Variants in ZNF385D observed in about 807,000 individuals in gnomAD.
ZNF385D encodes the protein zinc finger protein 385D.
Under a neutral mutation model 35.8 loss-of-function variants are expected in ZNF385D, and 15 were observed. The observed-to-expected ratio is 0.42, with a 90% CI of 0.28 to 0.64. The LOEUF (loss-of-function observed/expected upper bound fraction) is 0.64. Ranked by LOEUF, ZNF385D falls within the 30% of genes least tolerant of loss-of-function variation. ZNF385D has a pLI of 0.23. For missense variants in ZNF385D, 474 were observed against 494.6 expected, an observed-to-expected ratio of 0.96 and a Z score of 0.39; for synonymous variants, 212 against 186.8, an observed-to-expected ratio of 1.13 and a Z score of -1.10.
chr3:22,160,230 T>C (rs934991215), intron 3 of ZNF385D, among the ~76,000 whole-genome samples: 2 of 152,096 alleles, frequency 1.3e-5, no homozygotes, highest in Non-Finnish European at 2.9e-5. Flanking sequence ...AATGGACTAA[T>C]ACATATACTG....
intron 3 of ZNF385D, among the ~76,000 whole-genome samples, chr3:21,763,751 C>T (rs1045980275): frequency 6.7e-6 from 1 of 149,510 alleles, no homozygotes; most frequent in Non-Finnish European, 1.5e-5. Flanking sequence ...TAGCATCTAC[C>T]CTTCAGAAAC....
At chr3:21,766,096 G>C (rs2070819751) in intron 3 of ZNF385D, among the ~76,000 whole-genome samples, 2 of 152,074 alleles carry the variant, frequency 1.3e-5, no homozygotes, top group African/African-American at 4.8e-5. Context: ...CATACTGGGA[G>C]AATCCAGGGC....
At position 22,188,854 on chromosome 3, in the gene ZNF385D, T is replaced by C. The variant is rs185131508; in HGVS notation, c.107-19819A>G. On this transcript the variant is annotated intron_variant, in intron 2 of 5. Transcript: ENST00000494108. Reference sequence around the variant, plus strand: ...ATTTCTATTTCATTTCTTTTTTTCTTTTCTCTTTAGGACTGGCAGTTCAGC... The same window carrying C: ...ATTTCTATTTCATTTCTTTTTTTCTCTTCTCTTTAGGACTGGCAGTTCAGC... Among the ~76,000 whole-genome samples, 3 of 152,288 alleles carry C rather than the reference T, an allele frequency of 2.0e-5. No homozygotes were observed. In the East Asian group the frequency reaches 5.8e-4, roughly 29 times the overall value.
chr3:21,652,622 C>G (rs1271582540), intron 2 of ZNF385D, among the ~76,000 whole-genome samples: 3 of 147,184 alleles, frequency 2.0e-5, no homozygotes, highest in South Asian at 2.3e-4. Flanking sequence ...TATCCCTCCC[C>G]CCTCCCCCAA....
intron 3 of ZNF385D, among the ~76,000 whole-genome samples, chr3:22,069,357 A>G (rs1215646520): frequency 6.6e-6 from 1 of 152,192 alleles, no homozygotes; most frequent in Non-Finnish European, 1.5e-5. Context: ...AACGAATATG[A>G]GAAGGATGCA....
chr3:21,858,816 T>A (rs1046026709), intron 3 of ZNF385D, among the ~76,000 whole-genome samples: 1 of 152,110 alleles, frequency 6.6e-6, no homozygotes, highest in African/African-American at 2.4e-5. Context: ...ATTGAGGTGG[T>A]ATTCATGGAT....
chr3:21,926,739 G>T (rs1032264655), intron 3 of ZNF385D, among the ~76,000 whole-genome samples: 1 of 152,052 alleles, frequency 6.6e-6, no homozygotes, highest in East Asian at 1.9e-4. Flanking sequence ...CATAGGCATG[G>T]GCAAAGACTT....
rs374894448 is a variant in ZNF385D, at chr3:21,973,398, G to A, written c.325+195419C>T. On this transcript the variant is annotated intron_variant, in intron 3 of 5. Coordinates refer to the ZNF385D transcript ENST00000494108. The stretch of plus-strand genomic sequence containing the variant: ...CATAATAAAAAACTCTGAAAAACCT[G>A]GATATGAAAGGAACATACCTCAACA... Among the ~76,000 whole-genome samples the A allele has an allele frequency of 2.6e-4, 40 of 151,922 alleles. 1 individual carries two copies. The East Asian group carries it at 7.5e-3, about 29-fold the overall frequency.
chr3:22,020,884 T>G (rs537819924), intron 3 of ZNF385D, among the ~76,000 whole-genome samples: 2 of 151,996 alleles, frequency 1.3e-5, no homozygotes, highest in African/African-American at 4.8e-5. Context: ...TAAGTGTCCA[T>G]GAACAGGTCA....
intron 2 of ZNF385D, among the ~76,000 whole-genome samples, chr3:22,220,582 A>G (rs1051360114): frequency 6.6e-6 from 1 of 152,200 alleles, no homozygotes; most frequent in African/African-American, 2.4e-5. Flanking sequence ...TACAAACACT[A>G]TTCACAAGTC....
intron 4 of ZNF385D, among the ~76,000 whole-genome samples, chr3:21,483,086 A>G (rs561435851): frequency 6.6e-6 from 1 of 151,870 alleles, no homozygotes; most frequent in African/African-American, 2.4e-5. Context: ...TGTAATCATC[A>G]TCATGATCAG....
chr3:21,863,484 T>C lies in ZNF385D; in HGVS notation c.326-198456A>G, dbSNP rs539849378. The stretch of plus-strand genomic sequence containing the variant: ...ATTCTTTGAGCAACCTTATTGACTA[T>C]GAGAAATAGAAATAGAATGTAAATT... On this transcript the variant is annotated intron_variant, in intron 3 of 5. Coordinates refer to the ZNF385D transcript ENST00000494108. Among the ~76,000 whole-genome samples, 7 of 152,134 alleles carry C rather than the reference T, an allele frequency of 4.6e-5. No individual in the cohort carries two copies. The East Asian group carries it at 5.8e-4, about 13-fold the overall frequency.
chr3:22,334,793 C>T (rs1013895474), intron 2 of ZNF385D, among the ~76,000 whole-genome samples: 7 of 151,990 alleles, frequency 4.6e-5, no homozygotes, highest in Admixed American at 1.3e-4. Flanking sequence ...AGCTTTTCTT[C>T]GTAATTTCTG....
chr3:21,836,799 C>T (rs1031787742), intron 3 of ZNF385D, among the ~76,000 whole-genome samples: 5 of 151,948 alleles, frequency 3.3e-5, no homozygotes, highest in Non-Finnish European at 5.9e-5. Context: ...AAAACATTCT[C>T]GGCTCACAAT....
intron 3 of ZNF385D, among the ~76,000 whole-genome samples, chr3:22,145,693 A>T (rs1191276063): frequency 2.0e-5 from 3 of 152,218 alleles, no homozygotes; most frequent in Non-Finnish European, 4.4e-5. Context: ...GGAAGAAATC[A>T]GACCTAATCA....
intron 1 of ZNF385D, among the ~76,000 whole-genome samples, chr3:21,740,568 G>A (rs943578218): frequency 1.3e-5 from 2 of 152,140 alleles, no homozygotes; most frequent in African/African-American, 4.8e-5. Context: ...CAGCCATTAG[G>A]GATGTTCACT....
chr3:22,128,348 T>G (rs1332501342), intron 3 of ZNF385D, among the ~76,000 whole-genome samples: 1 of 152,192 alleles, frequency 6.6e-6, no homozygotes, highest in Non-Finnish European at 1.5e-5. Context: ...AGTCTGATTA[T>G]TAAATTTCGT....
intron 2 of ZNF385D, among the ~76,000 whole-genome samples, chr3:21,635,441 C>CAA (rs2065400389): frequency 6.6e-6 from 1 of 152,020 alleles, no homozygotes; most frequent in African/African-American, 2.4e-5. Context: ...AACTGAGTTA[C>CAA]AATGAACTTA....
intron 3 of ZNF385D, among the ~76,000 whole-genome samples, chr3:22,038,371 A>G (rs1056447298): frequency 6.6e-5 from 10 of 152,166 alleles, no homozygotes; most frequent in Non-Finnish European, 1.5e-4. Flanking sequence ...TATTATCAGC[A>G]TGTCCTTGGA....
Sources: gnomAD v4.1 joint callset for allele counts (sites outside exome capture counted in the v4.1 genomes callset) on GRCh38, gnomAD v4.1.1 for gene constraint, MANE v1.5 for transcripts, NCBI Gene and HGNC (gene_info 2026-07-23, HGNC 2026-07-21) for gene names.